TMOD2: variants seen among roughly 807,000 people sequenced by gnomAD.
TMOD2 encodes tropomodulin 2, also known as tropomodulin-2.
Under a neutral mutation model 39.9 loss-of-function variants are expected in TMOD2, and 22 were observed. That is an observed-to-expected ratio of 0.55 (90% CI 0.39 to 0.79). The LOEUF is 0.79. TMOD2 is among the 30% of genes least tolerant of loss of function. The pLI, the probability that TMOD2 is intolerant of heterozygous loss-of-function variation, is 0.00. For synonymous variants in TMOD2, 123 were observed against 146.1 expected, an observed-to-expected ratio of 0.84 and a Z score of 1.14; for missense variants, 386 against 413.3, an observed-to-expected ratio of 0.93 and a Z score of 0.57.
intron 3 of TMOD2, among the ~76,000 whole-genome samples, chr15:51,768,677 G>A (rs1211863118): frequency 2.0e-5 from 3 of 152,070 alleles, no homozygotes; most frequent in South Asian, 2.1e-4. Flanking sequence ...TTTTATTGTC[G>A]TGGAGGGTCA....
intron 6 of TMOD2, 57 bp downstream of exon 6, chr15:51,781,231 C>T: frequency 1.4e-6 from 2 of 1,478,418 alleles, no homozygotes. Context: ...AGAAAACTTA[C>T]CAGAGATGAC....
chr15:51,778,508 A>G (rs186527820), intron 5 of TMOD2, among the ~76,000 whole-genome samples: 2 of 53,090 alleles, frequency 3.8e-5, no homozygotes, highest in East Asian at 4.6e-4. Flanking sequence ...ATTAAAAATT[A>G]AAAAAAAAAA....
chr15:51,798,052 A>G, intron 7 of TMOD2, 145 bp from the exon 8 acceptor site: 3 of 646,720 alleles, frequency 4.6e-6, no homozygotes, highest in South Asian at 2.3e-5. Context: ...TATCTTTGTT[A>G]CTTGGAGGTG....
chr15:51,777,026 G>C lies in TMOD2; in HGVS notation c.493+8G>C. 1 of 1,612,816 alleles carries C rather than the reference G, an allele frequency of 6.2e-7. No individual in the cohort carries two copies. Among genetic ancestry groups the C allele is most frequent in the Non-Finnish European group, 8.5e-7 (1 of 1,179,050 alleles). On this transcript the variant is annotated splice_region_variant and intron_variant, in intron 5 of 9. Coordinates refer to ENST00000249700, the MANE Select transcript of TMOD2 (RefSeq NM_014548.4). ...GCAAAGGACCTGTCAGAAGTAAGTT[G>C]ATGTGCAATCTGTGGTTTTGTAAAG...
rs188504361 is a variant in TMOD2, at chr15:51,791,556, T to C, written c.733-6641T>C. ...AGAGCCTGCATAGCCAAGACAATCC[T>C]GGGCAAGAAGAACAAAGCTGGAGGC... On this transcript the variant is annotated intron_variant, in intron 7 of 9. Coordinates refer to ENST00000249700, the MANE Select transcript of TMOD2 (RefSeq NM_014548.4). Among the ~76,000 whole-genome samples, 13 of 152,314 alleles carry C rather than the reference T, an allele frequency of 8.5e-5. No homozygotes were observed. In the East Asian group the frequency reaches 2.5e-3, roughly 29 times the overall value.
At chr15:51,775,376 A>G (rs2055879556) in intron 4 of TMOD2, among the ~76,000 whole-genome samples, 1 of 152,164 alleles carries the variant, frequency 6.6e-6, no homozygotes, top group African/African-American at 2.4e-5. Context: ...GAACTGATCC[A>G]TTAGCCCATT....
At chr15:51,795,418 G>A (rs1431521988) in intron 7 of TMOD2, among the ~76,000 whole-genome samples, 2 of 143,752 alleles carry the variant, frequency 1.4e-5, no homozygotes, top group Admixed American at 1.4e-4. Flanking sequence ...TGTCAAGTGA[G>A]ACTTTGTCTC....
chr15:51,773,100 A>C (rs1485699366), intron 3 of TMOD2, among the ~76,000 whole-genome samples: 2 of 152,112 alleles, frequency 1.3e-5, no homozygotes, highest in African/African-American at 4.8e-5. Context: ...CACATATCCA[A>C]GCTTCATCCA....
intron 8 of TMOD2, among the ~76,000 whole-genome samples, chr15:51,803,880 C>T (rs180864617): frequency 1.3e-5 from 2 of 152,168 alleles, no homozygotes; most frequent in East Asian, 3.9e-4. Context: ...CATCATTTGA[C>T]AAATGCAAAT....
intron 3 of TMOD2, among the ~76,000 whole-genome samples, chr15:51,769,374 T>C (rs1174977564): frequency 1.3e-5 from 2 of 152,200 alleles, no homozygotes; most frequent in Admixed American, 6.5e-5. Flanking sequence ...TAAAGTCTAG[T>C]GCAGTCATTC....
chr15:51,773,947 A>G (rs1328414674), intron 4 of TMOD2, 113 bp downstream of exon 4: 43 of 1,215,272 alleles, frequency 3.5e-5, no homozygotes, highest in Non-Finnish European at 4.8e-5. Flanking sequence ...TGACAGGTTG[A>G]CACAAGGCAT....
At chr15:51,806,618 GC>G (rs1475567012) in intron 9 of TMOD2, 97 bp downstream of exon 9, 2 of 1,385,056 alleles carry the variant, frequency 1.4e-6, no homozygotes, top group East Asian at 4.7e-5. Context: ...CATTCCACTG[GC>G]CTCTGATGTC....
Position 51,764,701 on chromosome 15 carries a change from T to C in TMOD2, c.-69-1672T>C, listed in dbSNP as rs576778174. 1.5e-4 allele frequency among the ~76,000 whole-genome samples: 23 copies of C among 152,322 alleles called. No homozygotes were observed. In the East Asian group the frequency reaches 4.2e-3, roughly 28 times the overall value. On this transcript the variant is annotated intron_variant, in intron 1 of 9. Transcript: ENST00000249700. ...CTCCCTTCCTCCATGAATCCCCCTC[T>C]GTAGCCATGCCGCCTGCTCTACCAG...
At chr15:51,767,274 C>A (rs2055822566) in intron 2 of TMOD2, 1 of 152,198 alleles carries the variant, frequency 6.6e-6, no homozygotes, top group Non-Finnish European at 1.5e-5. Flanking sequence ...GATCTGCCCA[C>A]CTCAGCCTCC....
intron 1 of TMOD2, among the ~76,000 whole-genome samples, chr15:51,753,324 G>A (rs890804924): frequency 2.0e-5 from 3 of 152,144 alleles, no homozygotes; most frequent in African/African-American, 7.2e-5. Flanking sequence ...TCCTTACAAT[G>A]GAGAAATTAG....
chr15:51,781,310 C>T lies in TMOD2; in HGVS notation c.624+136C>T. The stretch of plus-strand genomic sequence containing the variant: ...TGAGTTGGAGTCAAGGTATCCTATT[C>T]AAAAGAAGTGGGTTTTGGAAAACAG... On this transcript the variant is annotated intron_variant, in intron 6 of 9. Coordinates refer to ENST00000249700, the MANE Select transcript of TMOD2 (RefSeq NM_014548.4). 5.5e-6 allele frequency: 4 copies of T among 731,340 alleles called. No individual in the cohort carries two copies. In the South Asian group the frequency reaches 9.6e-5, roughly 17 times the overall value. 45.3% of individuals were successfully genotyped at this position (731,340 alleles called of 1,614,324 possible).
At chr15:51,776,317 C>G (rs2141623330) in intron 4 of TMOD2, among the ~76,000 whole-genome samples, 1 of 152,356 alleles carries the variant, frequency 6.6e-6, no homozygotes, top group Non-Finnish European at 1.5e-5. Context: ...CAGGTTCAGT[C>G]AGCCCCGCAT....
Position 51,812,795 on chromosome 15 carries a change from A to G in TMOD2, c.*4341A>G, listed in dbSNP as rs1264886502. 5 of 151,608 alleles carry G rather than the reference A, an allele frequency of 3.3e-5. No homozygotes were observed. Among genetic ancestry groups the G allele is most frequent in the Admixed American group, 1.3e-4 (2 of 15,232 alleles). The allele number at this position is 151,608 out of a possible 1,614,324, so 9.4% of individuals were successfully genotyped here. ...CTTCCCCTCTTCCACTAATGATGCAATAATAGCTGTTTTCATTTTAACGAG... is the reference window on the plus strand; with the variant it reads ...CTTCCCCTCTTCCACTAATGATGCAGTAATAGCTGTTTTCATTTTAACGAG... On this transcript the variant is annotated 3_prime_UTR_variant, in exon 10 of 10. Coordinates refer to ENST00000249700, the MANE Select transcript of TMOD2 (RefSeq NM_014548.4).
intron 8 of TMOD2, among the ~76,000 whole-genome samples, chr15:51,800,550 A>G (rs2056080492): frequency 6.6e-6 from 1 of 151,924 alleles, no homozygotes; most frequent in African/African-American, 2.4e-5. Context: ...AAAAAACAAA[A>G]CCCTGAAGTA....
Sources: allele counts gnomAD v4.1 joint callset (sites outside exome capture counted in the v4.1 genomes callset), GRCh38; gene constraint gnomAD v4.1.1; transcripts MANE v1.5; gene names NCBI Gene and HGNC (gene_info 2026-07-23, HGNC 2026-07-21).